MALT1: variants seen among roughly 807,000 people sequenced by gnomAD.
The protein encoded by MALT1 is MALT1 paracaspase, also known as mucosa-associated lymphoid tissue lymphoma translocation protein 1.
MALT1 carries 36 observed loss-of-function variants against 85.5 expected under a neutral mutation model. That is an observed-to-expected ratio of 0.42 (90% CI 0.32 to 0.56). The LOEUF (loss-of-function observed/expected upper bound fraction) is 0.56. MALT1 is among the 20% of genes least tolerant of loss of function. The pLI is 0.10. For synonymous variants in MALT1, 359 were observed against 361.3 expected (o/e 0.99, Z 0.07); for missense variants, 716 against 981.6 (o/e 0.73, Z 3.62).
chr18:58,716,037 A>G lies in MALT1; in HGVS notation c.1018+70A>G. The G allele has an allele frequency of 5.2e-6, 6 of 1,160,914 alleles. No individual in the cohort carries two copies. The Admixed American group carries it at 1.4e-4, about 27-fold the overall frequency. 71.9% of individuals were successfully genotyped at this position (1,160,914 alleles called of 1,614,324 possible). On this transcript the variant is annotated intron_variant, in intron 9 of 16. Transcript: ENST00000649217. ...TATAACTCCAGAAGGAATTTAAGAC[A>G]TTTTAATTTGGTTTTTTAAAGAAAT... is the stretch of plus-strand genomic sequence containing the variant.
rs180744460 is a variant in MALT1, at chr18:58,723,435, G to C, written c.1222+184G>C. ...CATCTGAATAACTAATTAGCTTCATGTCTTTACTTTTATGTTTCCTGTTTT... is the reference window on the plus strand; with the variant it reads ...CATCTGAATAACTAATTAGCTTCATCTCTTTACTTTTATGTTTCCTGTTTT... On this transcript the variant is annotated intron_variant, in intron 10 of 16. Transcript: ENST00000649217. Among the ~76,000 whole-genome samples, 10 of 152,066 alleles carry C rather than the reference G, an allele frequency of 6.6e-5. No individual in the cohort carries two copies. The East Asian group carries it at 1.9e-3, about 29-fold the overall frequency.
At chr18:58,747,115 T>C (rs2055378705) in intron 16 of MALT1, among the ~76,000 whole-genome samples, 1 of 152,250 alleles carries the variant, frequency 6.6e-6, no homozygotes, top group Non-Finnish European at 1.5e-5. Flanking sequence ...GGAAAATGTT[T>C]TCCCTGTTCA....
chr18:58,709,175 C>T (rs979630084), intron 4 of MALT1, among the ~76,000 whole-genome samples: 5 of 152,146 alleles, frequency 3.3e-5, no homozygotes, highest in African/African-American at 1.2e-4. Flanking sequence ...CCAGAATTTT[C>T]TAAGTTTATT....
rs201534704 is a variant in MALT1, at chr18:58,745,175, T to TG, written c.1912-486dup. On this transcript the variant is annotated intron_variant, in intron 15 of 16. Coordinates refer to ENST00000649217, the MANE Select transcript of MALT1 (RefSeq NM_006785.4). ...AGGCTTCCTGAGGTACTGAGCAAGC[T>TG]GGGGGCCTGTGGGCTTCTCACTGGA... is the stretch of plus-strand genomic sequence containing the variant. 2.6e-3 allele frequency among the ~76,000 whole-genome samples: 391 copies of TG among 152,306 alleles called. 8 individuals are homozygous for TG. The highest frequency in any genetic ancestry group is 0.021 in the Admixed American group (315 of 15,304).
chr18:58,744,293 A>G (rs1222697041), intron 14 of MALT1, 45 bp from the exon 15 acceptor site: 6 of 1,413,544 alleles, frequency 4.2e-6, no homozygotes, highest in Non-Finnish European at 5.8e-6. Context: ...TTTGCCTCTT[A>G]TCATCAGAAA....
intron 14 of MALT1, among the ~76,000 whole-genome samples, chr18:58,742,445 G>A (rs985056733): frequency 1.1e-4 from 17 of 152,122 alleles, no homozygotes; most frequent in African/African-American, 3.4e-4. Context: ...GGTCGCTCAC[G>A]CCTGTAATCC....
intron 1 of MALT1, among the ~76,000 whole-genome samples, chr18:58,673,110 TAAG>T (rs993797762): frequency 7.2e-5 from 11 of 152,222 alleles, no homozygotes; most frequent in Admixed American, 2.6e-4. Flanking sequence ...ATAAATGCCT[TAAG>T]AACAAAAACT....
intron 16 of MALT1, 55 bp from the exon 17 acceptor site, chr18:58,747,350 T>C (rs2055382601): frequency 9.0e-7 from 1 of 1,112,354 alleles, no homozygotes; most frequent in Non-Finnish European, 1.3e-6. Context: ...TATTTTCAGA[T>C]TGATATATAT....
intron 10 of MALT1, among the ~76,000 whole-genome samples, chr18:58,727,522 C>A (rs1052608897): frequency 6.6e-6 from 1 of 151,804 alleles, no homozygotes; most frequent in Non-Finnish European, 1.5e-5. Context: ...CCAGGATGGT[C>A]TCGCTCTATC....
At position 58,671,703 on chromosome 18, in the gene MALT1, G is replaced by T; in HGVS notation, c.60G>T (p.Pro20=). ...ALPPSAAPTG[P]LLAPPAGATL... is the part of the protein sequence containing the mutation. ...CGCCCTCGGCCGCCCCCACGGGGCCGCTGCTCGCCCCTCCGGCCGGCGCGA... is the reference window on the plus strand; with the variant it reads ...CGCCCTCGGCCGCCCCCACGGGGCCTCTGCTCGCCCCTCCGGCCGGCGCGA... Residue 20 remains proline, a synonymous_variant, in exon 1 of 17, where the codon CCG becomes CCT. Coordinates refer to ENST00000649217, the MANE Select transcript of MALT1 (RefSeq NM_006785.4). 1 of 1,262,578 alleles carries T rather than the reference G, an allele frequency of 7.9e-7. No individual in the cohort carries two copies. Among genetic ancestry groups the T allele is most frequent in the East Asian group, 3.2e-5 (1 of 31,054 alleles). The allele number at this position is 1,262,578 out of a possible 1,614,324, so 78.2% of individuals were successfully genotyped here. A position where few individuals can be genotyped will look rare whatever the true frequency, so the allele number is the denominator to read the frequency against.
At chr18:58,692,206 C>T (rs1282288601) in intron 2 of MALT1, 2 of 152,262 alleles carry the variant, frequency 1.3e-5, no homozygotes, top group African/African-American at 4.8e-5. Context: ...CCTTCTCCCA[C>T]TGAAGAGGGC....
intron 1 of MALT1, among the ~76,000 whole-genome samples, chr18:58,680,588 G>T (rs546916805): frequency 6.6e-6 from 1 of 151,980 alleles, no homozygotes; most frequent in South Asian, 2.1e-4. Context: ...TAAATTAAAG[G>T]CAAAAAAACC....
intron 2 of MALT1, among the ~76,000 whole-genome samples, chr18:58,684,586 A>G (rs2054372290): frequency 6.6e-6 from 1 of 151,706 alleles, no homozygotes; most frequent in Non-Finnish European, 1.5e-5. Flanking sequence ...ATCTGGGATT[A>G]CAGGCATGTG....
At position 58,698,267 on chromosome 18, in the gene MALT1, A is replaced by G. The variant is rs556701229; in HGVS notation, c.498+1780A>G. On this transcript the variant is annotated intron_variant, in intron 3 of 16. Coordinates refer to ENST00000649217, the MANE Select transcript of MALT1 (RefSeq NM_006785.4). ...GTTTTAGGAGAGACGGGGTTTCACC[A>G]TGTTGGCCAGGGTGGTTTCAATCTC... Among the ~76,000 whole-genome samples the G allele has an allele frequency of 2.0e-5, 3 of 151,518 alleles. No individual in the cohort carries two copies. In the East Asian group the frequency reaches 5.8e-4, roughly 29 times the overall value.
chr18:58,726,340 G>C (rs2055054097), intron 10 of MALT1, among the ~76,000 whole-genome samples: 1 of 152,188 alleles, frequency 6.6e-6, no homozygotes, highest in Non-Finnish European at 1.5e-5. Flanking sequence ...AAATGTAAGT[G>C]TGGTAGAGGC....
At chr18:58,734,204 G>A in intron 11 of MALT1, 103 bp from the exon 12 acceptor site, 1 of 1,070,782 alleles carries the variant, frequency 9.3e-7, no homozygotes, top group South Asian at 1.7e-5. Flanking sequence ...TTTAAATTAT[G>A]TATTCTAAAA....
At chr18:58,738,788 TCTGTGTG>T (rs1206184341) in intron 13 of MALT1, among the ~76,000 whole-genome samples, 1 of 120,576 alleles carries the variant, frequency 8.3e-6, no homozygotes. Context: ...TGTGCATTCT[TCTGTGTG>T]TGTGTGTGTG....
At chr18:58,696,337 A>ATTTTTTTTTT in intron 2 of MALT1, 29 bp from the exon 3 acceptor site, 1 of 990,744 alleles carries the variant, frequency 1.0e-6, no homozygotes, top group African/African-American at 2.2e-5. Flanking sequence ...TGTGACTTTA[A>ATTTTTTTTTT]TTTTTTTTTT....
In MALT1 at chr18:58,749,253, ATGTTTATCTCACACACAT is replaced by A. The variant is rs1423147790; in HGVS notation, c.*1413_*1430del. ...TATTTGTGTATATGTGTGTATACAT[ATGTTTATCTCACACACAT>A]TATGAGCTTGAATTCTTAATTCATC... On this transcript the variant is annotated 3_prime_UTR_variant, in exon 17 of 17. Coordinates refer to ENST00000649217, the MANE Select transcript of MALT1 (RefSeq NM_006785.4). The A allele has an allele frequency of 1.4e-5, 3 of 216,394 alleles. No individual in the cohort carries two copies. Among genetic ancestry groups the A allele is most frequent in the African/African-American group, 6.8e-5 (3 of 44,414 alleles). The allele number at this position is 216,394 out of a possible 1,614,324, so 13.4% of individuals were successfully genotyped here.
Sources: allele counts gnomAD v4.1 joint callset (sites outside exome capture counted in the v4.1 genomes callset), GRCh38; gene constraint gnomAD v4.1.1; transcripts MANE v1.5; gene names NCBI Gene and HGNC (gene_info 2026-07-23, HGNC 2026-07-21).